HMBOX1: variants seen among roughly 807,000 people sequenced by gnomAD.
The protein encoded by HMBOX1 is homeobox containing 1, also known as homeobox-containing protein 1.
Under a neutral mutation model 54.5 loss-of-function variants are expected in HMBOX1, and 14 were observed. That is an observed-to-expected ratio of 0.26 (90% CI 0.17 to 0.40). The LOEUF (loss-of-function observed/expected upper bound fraction) is 0.40, where lower values mean the gene tolerates loss of function less well. Ranked by LOEUF, HMBOX1 falls within the 10% of genes least tolerant of loss-of-function variation. The probability of loss-of-function intolerance (pLI) is 1.00; values close to 1 mark genes in which losing one functional copy is unlikely to be tolerated. For missense variants in HMBOX1, 332 were observed against 514.4 expected, an observed-to-expected ratio of 0.65 and a Z score of 3.43; for synonymous variants, 160 against 181.0, an observed-to-expected ratio of 0.88 and a Z score of 0.93.
chr8:28,972,019 T>C (rs886126358), intron 3 of HMBOX1, among the ~76,000 whole-genome samples: 3 of 152,240 alleles, frequency 2.0e-5, no homozygotes, highest in South Asian at 4.1e-4. Context: ...ATGGAAGATA[T>C]GTCCAATAGT....
chr8:28,970,981 G>GACACACACACACACAC lies in HMBOX1; in HGVS notation c.500+496_500+511dup, dbSNP rs10554708. Among the ~76,000 whole-genome samples the GACACACACACACACAC allele has an allele frequency of 1.5e-5, 2 of 131,984 alleles. No homozygotes were observed. The highest frequency in any genetic ancestry group is 2.7e-4 in the South Asian group (1 of 3,730). The allele number at this position is 131,984 out of a possible 152,430, so 86.6% of individuals were successfully genotyped here. A position where few individuals can be genotyped will look rare whatever the true frequency, so the allele number is the denominator to read the frequency against. Reference sequence around the variant, plus strand: ...ATAGGTTCTAATTTTAGCAATAGATGACACACACACACACACACACACACA... The same window carrying GACACACACACACACAC: ...ATAGGTTCTAATTTTAGCAATAGATGACACACACACACACACACACACACACACACACACACACACA... On this transcript the variant is annotated intron_variant, in intron 3 of 9. Transcript: ENST00000287701. The surrounding 1 kb of genome is among the most constrained non-coding windows in gnomAD (Gnocchi z 4.3).
intron 1 of HMBOX1, among the ~76,000 whole-genome samples, chr8:28,941,842 A>G (rs775423025): frequency 7.2e-5 from 11 of 152,220 alleles, no homozygotes; most frequent in Admixed American, 5.9e-4. Context: ...TTCATTACCT[A>G]TAGACAGAGA....
intron 3 of HMBOX1, among the ~76,000 whole-genome samples, chr8:28,976,700 CTTTTT>C (rs1301588694): frequency 6.8e-6 from 1 of 147,144 alleles, no homozygotes; most frequent in Non-Finnish European, 1.5e-5. Flanking sequence ...CTTTTCTTTT[CTTTTT>C]TTTCTTTTTT....
At chr8:29,050,901 GC>G in intron 9 of HMBOX1, 116 bp from the exon 10 acceptor site, 1 of 885,498 alleles carries the variant, frequency 1.1e-6, no homozygotes. Context: ...TTTATCATGA[GC>G]CCCTCCCCCA....
chr8:28,953,464 T>C (rs1203124149), intron 1 of HMBOX1, among the ~76,000 whole-genome samples: 1 of 152,216 alleles, frequency 6.6e-6, no homozygotes, highest in Non-Finnish European at 1.5e-5. Context: ...AAAACAAAGA[T>C]CCTAAACATG....
chr8:28,981,128 C>G (rs549816090), intron 4 of HMBOX1, among the ~76,000 whole-genome samples: 4 of 152,238 alleles, frequency 2.6e-5, no homozygotes, highest in Non-Finnish European at 4.4e-5. Flanking sequence ...AAGGTTGTTA[C>G]TGGCCATTAA....
At chr8:28,983,978 C>T (rs1441180393) in intron 4 of HMBOX1, among the ~76,000 whole-genome samples, 1 of 152,170 alleles carries the variant, frequency 6.6e-6, no homozygotes, top group Non-Finnish European at 1.5e-5. Context: ...AGCCATCAAG[C>T]TAAACTCAGG....
At chr8:29,021,671 C>G (rs1470165936) in intron 6 of HMBOX1, among the ~76,000 whole-genome samples, 1 of 151,466 alleles carries the variant, frequency 6.6e-6, no homozygotes, top group African/African-American at 2.4e-5. Flanking sequence ...CTGGCTAACA[C>G]AGTGAAACCC....
In HMBOX1 at chr8:28,970,487, A is replaced by G; in HGVS notation, c.468A>G (p.Leu156=). ...GTTTTGAAGCCTCAGAAGAGGACCT[A>G]GATGTAGATGATAAAGTGGAAGAAT... The part of the protein sequence containing the change: ...SYSFEASEED[L]DVDDKVEELM... The change falls in exon 3 of 10, where the codon CTA becomes CTG. Residue 156 remains leucine (L), a synonymous_variant. Coordinates refer to ENST00000287701, the MANE Select transcript of HMBOX1 (RefSeq NM_001135726.3). The surrounding 1 kb of genome is among the most constrained non-coding windows in gnomAD (Gnocchi z 4.3). The G allele has an allele frequency of 6.2e-6, 10 of 1,605,268 alleles. No individual in the cohort carries two copies. The highest frequency in any genetic ancestry group is 8.5e-6 in the Non-Finnish European group (10 of 1,175,614).
chr8:28,952,188 A>C (rs1267397602), intron 1 of HMBOX1, among the ~76,000 whole-genome samples: 1 of 151,512 alleles, frequency 6.6e-6, no homozygotes, highest in Non-Finnish European at 1.5e-5. Flanking sequence ...AAAAGAAAAG[A>C]AAATGAGAAA....
intron 1 of HMBOX1, among the ~76,000 whole-genome samples, chr8:28,916,049 C>T (rs1216691237): frequency 6.6e-6 from 1 of 152,174 alleles, no homozygotes; most frequent in Non-Finnish European, 1.5e-5. Context: ...CACATGTAGC[C>T]AGAGGCTACT....
chr8:28,897,326 A>C (rs1348859082), intron 1 of HMBOX1, among the ~76,000 whole-genome samples: 1 of 152,086 alleles, frequency 6.6e-6, no homozygotes, highest in Non-Finnish European at 1.5e-5. Context: ...GGACCCATTA[A>C]AATTTTCTGG....
At chr8:28,940,047 G>C (rs1393648744) in intron 1 of HMBOX1, among the ~76,000 whole-genome samples, 1 of 150,394 alleles carries the variant, frequency 6.6e-6, no homozygotes, top group Non-Finnish European at 1.5e-5. Context: ...TATTTTTTTT[G>C]TTTGGAAACA....
At chr8:29,043,871 A>G (rs985783056) in intron 6 of HMBOX1, among the ~76,000 whole-genome samples, 4 of 152,236 alleles carry the variant, frequency 2.6e-5, no homozygotes, top group African/African-American at 9.6e-5. Flanking sequence ...AATCCTCCGT[A>G]TGAACACTGG....
intron 5 of HMBOX1, among the ~76,000 whole-genome samples, chr8:29,017,494 C>G (rs1026018162): frequency 6.6e-6 from 1 of 152,088 alleles, no homozygotes; most frequent in African/African-American, 2.4e-5. Context: ...AAAGTAGTAG[C>G]AGTGCAAGGA....
At chr8:28,953,446 G>A (rs1823867630) in intron 1 of HMBOX1, among the ~76,000 whole-genome samples, 1 of 152,058 alleles carries the variant, frequency 6.6e-6, no homozygotes, top group Non-Finnish European at 1.5e-5. Flanking sequence ...ATAGTTTCCT[G>A]CCTGTTTAAA....
At chr8:29,004,752 G>A (rs1447035514) in intron 4 of HMBOX1, among the ~76,000 whole-genome samples, 1 of 152,088 alleles carries the variant, frequency 6.6e-6, no homozygotes, top group East Asian at 1.9e-4. Flanking sequence ...GGGCAATGAC[G>A]TTTTCTTCTG....
At chr8:29,027,266 T>G (rs550532464) in intron 6 of HMBOX1, among the ~76,000 whole-genome samples, 62 of 152,324 alleles carry the variant, frequency 4.1e-4, no homozygotes, top group African/African-American at 1.3e-3. Context: ...GTCCATTTGT[T>G]CATTCATTCA....
At chr8:28,962,927 A>G (rs1033664883) in intron 1 of HMBOX1, among the ~76,000 whole-genome samples, 2 of 152,008 alleles carry the variant, frequency 1.3e-5, no homozygotes, top group African/African-American at 2.4e-5. Context: ...TTGGGACCAT[A>G]TCTTACTCAT....
Sources: allele counts gnomAD v4.1 joint callset (sites outside exome capture counted in the v4.1 genomes callset), GRCh38; gene constraint gnomAD v4.1.1; non-coding constraint Gnocchi (gnomAD v3.1); transcripts MANE v1.5; gene names NCBI Gene and HGNC (gene_info 2026-07-23, HGNC 2026-07-21).